Variants in PCDH15 observed in about 807,000 individuals in gnomAD.
PCDH15 encodes protocadherin-15.
Under a neutral mutation model 178.5 loss-of-function variants are expected in PCDH15, and 129 were observed. The ratio of observed to expected loss-of-function variants is 0.72; its 90% confidence interval spans 0.63 to 0.84. The LOEUF (loss-of-function observed/expected upper bound fraction) is 0.84. PCDH15 is among the 40% of genes least tolerant of loss of function. The probability of loss-of-function intolerance (pLI) is 0.00; values close to 1 mark genes in which losing one functional copy is unlikely to be tolerated. For missense variants in PCDH15, 2,230 were observed against 2,099.9 expected (o/e 1.06, Z -1.21); for synonymous variants, 800 against 732.0 (o/e 1.09, Z -1.50).
At chr10:54,501,988 G>GTTGTT (rs2080738440) in intron 3 of PCDH15, among the ~76,000 whole-genome samples, 5 of 151,832 alleles carry the variant, frequency 3.3e-5, no homozygotes, top group Non-Finnish European at 7.4e-5. Flanking sequence ...TAATATGTTA[G>GTTGTT]CTGTTCTTTT....
intron 20 of PCDH15, among the ~76,000 whole-genome samples, chr10:54,009,319 C>G (rs192432231): frequency 5.9e-5 from 9 of 151,700 alleles, no homozygotes; most frequent in African/African-American, 1.9e-4. Flanking sequence ...ATGTGGACCC[C>G]CGAGAAATAA....
At chr10:53,872,792 G>A (rs903501698) in intron 26 of PCDH15, among the ~76,000 whole-genome samples, 3 of 152,148 alleles carry the variant, frequency 2.0e-5, no homozygotes, top group African/African-American at 7.2e-5. Flanking sequence ...CCAGAGATAA[G>A]GAAGCTCTAA....
rs578155155 is a variant in PCDH15, at chr10:54,497,542, A to C, written c.157+30270T>G. ...AGAAGGTTGAAACCAAATCCAAAGAAAGCAGCAAAACAATCCAATATTTGA... is the reference window on the plus strand; with the variant it reads ...AGAAGGTTGAAACCAAATCCAAAGACAGCAGCAAAACAATCCAATATTTGA... On this transcript the variant is annotated intron_variant, in intron 3 of 37. Transcript: ENST00000644397. Among the ~76,000 whole-genome samples, 9 of 152,288 alleles carry C rather than the reference A, an allele frequency of 5.9e-5. No homozygotes were observed. The East Asian group carries it at 1.5e-3, about 26-fold the overall frequency.
intron 2 of PCDH15, among the ~76,000 whole-genome samples, chr10:55,424,005 GAC>G (rs1303669522): frequency 2.6e-5 from 4 of 152,144 alleles, no homozygotes; most frequent in South Asian, 2.1e-4. Flanking sequence ...AATTGAGGAA[GAC>G]ACACACAAGC....
chr10:53,834,833 C>T (rs976102398), intron 29 of PCDH15, among the ~76,000 whole-genome samples: 4 of 152,048 alleles, frequency 2.6e-5, no homozygotes, highest in Admixed American at 1.3e-4. Flanking sequence ...GACTGATTAC[C>T]TTGATGATGA....
chr10:54,287,231 A>T (rs1306243415), intron 8 of PCDH15, among the ~76,000 whole-genome samples: 1 of 152,248 alleles, frequency 6.6e-6, no homozygotes, highest in Non-Finnish European at 1.5e-5. Flanking sequence ...GCAGAAAAAT[A>T]GTTTAGAAAA....
At chr10:54,408,703 G>A (rs187635278) in intron 3 of PCDH15, among the ~76,000 whole-genome samples, 2 of 152,088 alleles carry the variant, frequency 1.3e-5, no homozygotes, top group Admixed American at 1.3e-4. Context: ...TGTATGATTG[G>A]GGTTACTCTG....
intron 21 of PCDH15, among the ~76,000 whole-genome samples, chr10:53,987,243 T>C (rs143268264): frequency 6.6e-6 from 1 of 152,026 alleles, no homozygotes; most frequent in Non-Finnish European, 1.5e-5. Flanking sequence ...CGAAACATCA[T>C]CTATATAGCT....
intron 1 of PCDH15, among the ~76,000 whole-genome samples, chr10:55,317,196 C>T (rs1843744264): frequency 6.6e-6 from 1 of 152,130 alleles, no homozygotes; most frequent in Admixed American, 6.6e-5. Flanking sequence ...TAAGATTGGT[C>T]TCAACACATT....
intron 2 of PCDH15, among the ~76,000 whole-genome samples, chr10:54,935,312 T>C (rs1837877538): frequency 6.6e-6 from 1 of 152,196 alleles, no homozygotes; most frequent in African/African-American, 2.4e-5. Context: ...ATTCATTCAC[T>C]AAGTTCAATG....
intron 2 of PCDH15, among the ~76,000 whole-genome samples, chr10:55,049,918 G>C (rs1403071750): frequency 6.6e-6 from 1 of 151,962 alleles, no homozygotes; most frequent in Non-Finnish European, 1.5e-5. Flanking sequence ...CTGAAACAGA[G>C]TTTTAAAAAC....
At chr10:54,720,289 C>T (rs1225699152) in intron 1 of PCDH15, among the ~76,000 whole-genome samples, 1 of 151,834 alleles carries the variant, frequency 6.6e-6, no homozygotes, top group East Asian at 1.9e-4. Context: ...GAAATTTGGA[C>T]ATCTAGATAC....
At chr10:55,126,495 G>A (rs1837903950) in intron 2 of PCDH15, among the ~76,000 whole-genome samples, 1 of 152,028 alleles carries the variant, frequency 6.6e-6, no homozygotes, top group African/African-American at 2.4e-5. Context: ...CCACAGCTGT[G>A]CAATCTTCTT....
intron 3 of PCDH15, among the ~76,000 whole-genome samples, chr10:54,807,901 G>T (rs1404755650): frequency 6.6e-6 from 1 of 151,228 alleles, no homozygotes; most frequent in Non-Finnish European, 1.5e-5. Context: ...TTTCTACATT[G>T]ACAGCCTGTG....
At chr10:54,695,356 CT>C (rs376594993) in intron 1 of PCDH15, among the ~76,000 whole-genome samples, 1 of 152,226 alleles carries the variant, frequency 6.6e-6, no homozygotes, top group African/African-American at 2.4e-5. Context: ...TCTGTGAAAA[CT>C]GAGAGAGGAC....
chr10:54,180,924 A>G (rs2047929000), intron 13 of PCDH15, among the ~76,000 whole-genome samples: 1 of 152,224 alleles, frequency 6.6e-6, no homozygotes, highest in Non-Finnish European at 1.5e-5. Flanking sequence ...TTTTACAAAG[A>G]GATACATAAG....
At chr10:55,370,703 G>T (rs1224899491) in intron 2 of PCDH15, among the ~76,000 whole-genome samples, 1 of 152,022 alleles carries the variant, frequency 6.6e-6, no homozygotes, top group Non-Finnish European at 1.5e-5. Flanking sequence ...TCTCTTTAAA[G>T]TAAATCAGAA....
chr10:55,005,181 G>A (rs2131935564), intron 2 of PCDH15, among the ~76,000 whole-genome samples: 1 of 110,730 alleles, frequency 9.0e-6, no homozygotes, highest in East Asian at 2.5e-4. Context: ...AGACAAGTCT[G>A]GGTAATATAG....
intron 2 of PCDH15, among the ~76,000 whole-genome samples, chr10:55,128,676 T>C (rs1463841347): frequency 6.6e-6 from 1 of 151,994 alleles, no homozygotes; most frequent in African/African-American, 2.4e-5. Flanking sequence ...CACTCTGCCC[T>C]CCCTTAAACT....
Sources: gnomAD v4.1 joint callset for allele counts (sites outside exome capture counted in the v4.1 genomes callset) on GRCh38, gnomAD v4.1.1 for gene constraint, MANE v1.5 for transcripts, NCBI Gene and HGNC (gene_info 2026-07-23, HGNC 2026-07-21) for gene names.